The following MORN4 variants were observed in gnomAD, a reference collection of about 807,000 sequenced individuals.
The protein encoded by MORN4 is MORN repeat-containing protein 4.
A neutral mutation model predicts 16.4 loss-of-function variants in MORN4; 8 were observed. The observed-to-expected ratio is 0.49, with a 90% CI of 0.29 to 0.88. MORN4 has a LOEUF of 0.88. Among genes scored for constraint, MORN4 ranks in the 40% least tolerant of loss-of-function variants. MORN4 has a pLI of 0.09. For synonymous variants in MORN4, 53 were observed against 68.9 expected, an observed-to-expected ratio of 0.77 and a Z score of 1.14; for missense variants, 159 against 182.9, an observed-to-expected ratio of 0.87 and a Z score of 0.75.
upstream of MORN4, chr10:97,633,579 C>A (rs758325978): frequency 1.6e-6 from 2 of 1,289,840 alleles, no homozygotes. This position sits in a 1 kb window ranked among gnomAD's most constrained non-coding sequence, Gnocchi z 4.5. Flanking sequence ...CAGCCCGGCT[C>A]CACGCCATCT....
intron 1 of MORN4, among the ~76,000 whole-genome samples, chr10:97,631,155 T>C (rs1375551689): frequency 1.3e-5 from 2 of 152,182 alleles, no homozygotes; most frequent in Admixed American, 6.5e-5. Flanking sequence ...TCTGGCCCAA[T>C]ACTTTAATAA....
At chr10:97,619,487 T>C (rs1303009002) in intron 2 of MORN4, 100 bp downstream of exon 2, 1 of 837,724 alleles carries the variant, frequency 1.2e-6, no homozygotes, top group African/African-American at 1.7e-5. Flanking sequence ...AATCCTGGAG[T>C]TGAAAATGAA....
chr10:97,615,371 CAGGATTT>C lies in MORN4; in HGVS notation c.*885_*891del, dbSNP rs1332548512. Reference sequence around the variant, plus strand: ...CCCAGGCAGGAGGATCACTTGAGCCCAGGATTTTGAGATGAGCCTGAGCCACATAGCA... The same window carrying C: ...CCCAGGCAGGAGGATCACTTGAGCCCTGAGATGAGCCTGAGCCACATAGCA... On this transcript the variant is annotated 3_prime_UTR_variant, in exon 5 of 5. Transcript: ENST00000307450. The C allele has an allele frequency of 2.0e-5, 3 of 152,154 alleles. No individual in the cohort carries two copies. Among genetic ancestry groups the C allele is most frequent in the African/African-American group, 7.2e-5 (3 of 41,416 alleles). 9.4% of individuals were successfully genotyped at this position (152,154 alleles called of 1,614,324 possible).
At chr10:97,633,575 G>T, upstream of MORN4, 5 of 1,289,822 alleles carry the variant, frequency 3.9e-6, no homozygotes, top group Non-Finnish European at 5.1e-6. This position sits in a 1 kb window ranked among gnomAD's most constrained non-coding sequence, Gnocchi z 4.5. Context: ...GGCCCAGCCC[G>T]GCTCCACGCC....
At chr10:97,618,796 T>C (rs977098832) in intron 2 of MORN4, among the ~76,000 whole-genome samples, 1 of 151,650 alleles carries the variant, frequency 6.6e-6, no homozygotes, top group African/African-American at 2.4e-5. Flanking sequence ...TGTTTTTTTT[T>C]TTTTTTTTCC....
At chr10:97,623,861 G>C (rs944450471) in intron 1 of MORN4, among the ~76,000 whole-genome samples, 1 of 151,368 alleles carries the variant, frequency 6.6e-6, no homozygotes, top group Admixed American at 6.6e-5. Flanking sequence ...TCAGCCTCCC[G>C]AGTAGCTGGG....
chr10:97,623,336 T>G (rs1472077177), intron 1 of MORN4, among the ~76,000 whole-genome samples: 1 of 152,124 alleles, frequency 6.6e-6, no homozygotes, highest in Non-Finnish European at 1.5e-5. Flanking sequence ...TTCCAGCACT[T>G]TGGGAGGCTG....
At chr10:97,619,542 C>T (rs1463957802) in intron 2 of MORN4, 45 bp downstream of exon 2, 1 of 1,403,860 alleles carries the variant, frequency 7.1e-7, no homozygotes, top group South Asian at 1.1e-5. Context: ...TGTCCTCCAG[C>T]AAATGAAGTG....
chr10:97,628,991 T>C (rs1055377081), intron 1 of MORN4, among the ~76,000 whole-genome samples: 1 of 152,240 alleles, frequency 6.6e-6, no homozygotes, highest in African/African-American at 2.4e-5. Flanking sequence ...CATGTTTGTC[T>C]ACAATTTGAT....
intron 1 of MORN4, among the ~76,000 whole-genome samples, chr10:97,632,559 C>G (rs2135745195): frequency 6.6e-6 from 1 of 152,104 alleles, no homozygotes. Flanking sequence ...CTCGAAATAA[C>G]TGTTTTTCAT....
chr10:97,619,726 G>T, intron 1 of MORN4, 43 bp from the exon 2 acceptor site: 1 of 1,520,904 alleles, frequency 6.6e-7, no homozygotes. Context: ...ATGGAATGGC[G>T]GGAGGAAAGG....
intron 2 of MORN4, 98 bp downstream of exon 2, chr10:97,619,489 G>A (rs758077856): frequency 1.2e-6 from 1 of 852,216 alleles, no homozygotes; most frequent in East Asian, 2.4e-5. Flanking sequence ...TCCTGGAGTT[G>A]AAAATGAAGA....
At chr10:97,617,147 C>A in intron 3 of MORN4, 61 bp downstream of exon 3, 1 of 1,261,210 alleles carries the variant, frequency 7.9e-7, no homozygotes, top group Non-Finnish European at 1.2e-6. Context: ...TTACCAGAGT[C>A]CCATTTTTCT....
chr10:97,627,268 T>C (rs2041357026), intron 1 of MORN4, among the ~76,000 whole-genome samples: 1 of 151,698 alleles, frequency 6.6e-6, no homozygotes, highest in Non-Finnish European at 1.5e-5. Context: ...TTCAGCCTCC[T>C]GAGTAGCTGG....
intron 1 of MORN4, among the ~76,000 whole-genome samples, chr10:97,625,941 T>C (rs975470576): frequency 5.3e-5 from 8 of 152,182 alleles, no homozygotes; most frequent in Non-Finnish European, 8.8e-5. Flanking sequence ...CTAACTTTTT[T>C]GTAGAGACCG....
rs2041229551 is a variant in MORN4, at chr10:97,615,583, G to A, written c.*680C>T. 1 of 152,064 alleles carries A rather than the reference G, an allele frequency of 6.6e-6. No individual in the cohort carries two copies. 9.4% of individuals were successfully genotyped at this position (152,064 alleles called of 1,614,324 possible). A position where few individuals can be genotyped will look rare whatever the true frequency, so the allele number is the denominator to read the frequency against. The stretch of plus-strand genomic sequence containing the variant: ...TAAAAAAAAATACAAAAATTAGCTG[G>A]GTGTGGTGGCGCGCTCCTGTAGTCC... On this transcript the variant is annotated 3_prime_UTR_variant, in exon 5 of 5. Coordinates refer to ENST00000307450, the MANE Select transcript of MORN4 (RefSeq NM_178832.4).
intron 1 of MORN4, among the ~76,000 whole-genome samples, chr10:97,622,569 C>G (rs45628739): frequency 0.16 from 24,376 of 151,438 alleles, 2,215 homozygotes; most frequent in Non-Finnish European, 0.21. Context: ...GTGGTGCGTT[C>G]CTGTAGTCCC....
rs1221017316 is a variant in MORN4, at chr10:97,615,650, G to A, written c.*613C>T. 1 of 152,032 alleles carries A rather than the reference G, an allele frequency of 6.6e-6. No individual in the cohort carries two copies. The highest frequency in any genetic ancestry group is 1.5e-5 in the Non-Finnish European group (1 of 68,034). The allele number at this position is 152,032 out of a possible 1,614,324, so 9.4% of individuals were successfully genotyped here. A position where few individuals can be genotyped will look rare whatever the true frequency, so the allele number is the denominator to read the frequency against. On this transcript the variant is annotated 3_prime_UTR_variant, in exon 5 of 5. Coordinates refer to ENST00000307450, the MANE Select transcript of MORN4 (RefSeq NM_178832.4). ...TGAGGCAGGGGAATTGCTTGAACCT[G>A]GGAGGCAGAAGTTGCAGTGAGCTGA...
At chr10:97,619,090 C>T (rs1339703823) in intron 2 of MORN4, among the ~76,000 whole-genome samples, 1 of 152,010 alleles carries the variant, frequency 6.6e-6, no homozygotes, top group Admixed American at 6.6e-5. Context: ...TTGGGGAGGC[C>T]GAGGTGGGCA....
Sources: gnomAD v4.1 joint callset for allele counts (sites outside exome capture counted in the v4.1 genomes callset) on GRCh38, gnomAD v4.1.1 for gene constraint, Gnocchi (gnomAD v3.1) non-coding constraint, MANE v1.5 for transcripts, NCBI Gene and HGNC (gene_info 2026-07-23, HGNC 2026-07-21) for gene names.